The following UGT1A9 variants were observed in gnomAD, a reference collection of about 807,000 sequenced individuals.
UGT1A9 encodes the protein UDP glucuronosyltransferase family 1 member A9.
In UGT1A9, 35 loss-of-function variants were observed where a neutral mutation model predicts 45.0. The ratio of observed to expected loss-of-function variants is 0.78; its 90% CI spans 0.59 to 1.03. The LOEUF (loss-of-function observed/expected upper bound fraction) is 1.03, where lower values mean the gene tolerates loss of function less well. Ranked by LOEUF, UGT1A9 falls within the 50% of genes least tolerant of loss-of-function variation. UGT1A9 has a pLI of 0.00. For synonymous variants in UGT1A9, 278 were observed against 250.6 expected (o/e 1.11, Z -1.03); for missense variants, 687 against 666.6 (o/e 1.03, Z -0.34).
intron 1 of UGT1A9, among the ~76,000 whole-genome samples, chr2:233,674,389 CATA>C (rs1452275212): frequency 6.6e-6 from 1 of 152,126 alleles, no homozygotes; most frequent in Admixed American, 6.6e-5. Flanking sequence ...CTTTACCCTC[CATA>C]AATTATAGTA....
Position 233,772,327 on chromosome 2 carries a change from T to A in UGT1A9, c.1361T>A (p.Leu454Gln), listed in dbSNP as rs527798161. The A allele has an allele frequency of 6.2e-7, 1 of 1,614,262 alleles. No homozygotes were observed. The highest frequency in any genetic ancestry group is 1.3e-5 in the African/African-American group (1 of 75,072). The change falls in exon 5 of 5, where the codon CTG becomes CAG. Residue 454 changes from leucine to glutamine, a missense_variant. Leu to Gln is a moderately radical substitution (Grantham distance 113, BLOSUM62 -2). Transcript: ENST00000354728. ...HKDRPVEPLD[L>Q]AVFWVEFVMR... ...GACCGCCCGGTGGAGCCGCTGGACC[T>A]GGCCGTGTTCTGGGTGGAGTTTGTG...
chr2:233,702,191 C>T (rs1424495511), intron 1 of UGT1A9, among the ~76,000 whole-genome samples: 1 of 152,184 alleles, frequency 6.6e-6, no homozygotes. Flanking sequence ...TCCTCCAGCC[C>T]CTGGCAGCCA....
At chr2:233,717,518 T>A (rs2076583469) in intron 1 of UGT1A9, among the ~76,000 whole-genome samples, 1 of 152,220 alleles carries the variant, frequency 6.6e-6, no homozygotes, top group Non-Finnish European at 1.5e-5. Context: ...TGGGAGTAAC[T>A]TCCTCCATAA....
chr2:233,683,078 C>T (rs1475851543), intron 1 of UGT1A9, among the ~76,000 whole-genome samples: 1 of 152,052 alleles, frequency 6.6e-6, no homozygotes, highest in East Asian at 1.9e-4. Flanking sequence ...AGAAATGAAA[C>T]TTCCCTTTTT....
chr2:233,770,939 G>A (rs923528747), intron 4 of UGT1A9: 1 of 152,144 alleles, frequency 6.6e-6, no homozygotes, highest in African/African-American at 2.4e-5. Context: ...TTGGCTGCCG[G>A]GGGAACCTCA....
At chr2:233,736,628 T>C (rs1418847955) in intron 1 of UGT1A9, among the ~76,000 whole-genome samples, 1 of 152,228 alleles carries the variant, frequency 6.6e-6, no homozygotes, top group Admixed American at 6.5e-5. Context: ...GCTTTTCTGC[T>C]CTAGTTTCCC....
rs753813548 is a variant in UGT1A9 at position 233,693,325 on chromosome 2, T to C, written c.855+20536T>C. ...TTGCTGAGCGATCATTCCTAACTGC[T>C]CCTCAGACAGAGTACAGGAATAACA... On this transcript the variant is annotated intron_variant, in intron 1 of 4. Coordinates refer to ENST00000354728, the MANE Select transcript of UGT1A9 (RefSeq NM_021027.3). The C allele has an allele frequency of 6.8e-6, 11 of 1,614,210 alleles. No individual in the cohort carries two copies. In the East Asian group the frequency reaches 2.2e-4, roughly 33 times the overall value.
In UGT1A9 at chr2:233,741,861, A is replaced by T. The variant is rs1406457842; in HGVS notation, c.856-25173A>T. On this transcript the variant is annotated intron_variant, in intron 1 of 4. Transcript: ENST00000354728. ...GCCTTTTGCTCTCATGCCTTATGCA[A>T]ACCTTTCCTCAGAGGTGACCCTAGA... The T allele has an allele frequency of 2.6e-5, 4 of 151,886 alleles. No individual in the cohort carries two copies. The East Asian group carries it at 7.7e-4, about 29-fold the overall frequency. The allele number at this position is 151,886 out of a possible 1,614,324, so 9.4% of individuals were successfully genotyped here.
intron 1 of UGT1A9, among the ~76,000 whole-genome samples, chr2:233,700,421 A>G (rs1338095372): frequency 6.6e-6 from 1 of 152,210 alleles, no homozygotes; most frequent in East Asian, 1.9e-4. Flanking sequence ...CTGTTAATAG[A>G]TAATTATCTA....
Position 233,754,866 on chromosome 2 carries a change from C to G in UGT1A9, c.856-12168C>G, listed in dbSNP as rs1321579990. 5 of 1,351,528 alleles carry G rather than the reference C, an allele frequency of 3.7e-6. No homozygotes were observed. In the South Asian group the frequency reaches 5.7e-5, roughly 15 times the overall value. 83.7% of individuals were successfully genotyped at this position (1,351,528 alleles called of 1,614,324 possible). On this transcript the variant is annotated intron_variant, in intron 1 of 4. Transcript: ENST00000354728. ...GGCAGAGAAAAGGGGTGCAGACCCT[C>G]TGCTTCTGCTTCCCAGGGAGTTCCT...
At chr2:233,718,708 A>G (rs1400639249) in intron 1 of UGT1A9, 2 of 1,605,214 alleles carry the variant, frequency 1.2e-6, no homozygotes, top group Non-Finnish European at 1.7e-6. Context: ...TTTGTCTTCC[A>G]ATTACATGCT....
At chr2:233,763,733 T>C (rs528064995) in intron 1 of UGT1A9, among the ~76,000 whole-genome samples, 4 of 152,330 alleles carry the variant, frequency 2.6e-5, no homozygotes, top group South Asian at 4.1e-4. Flanking sequence ...CAACCTGGCA[T>C]TGGCGTGTCT....
chr2:233,747,386 G>C, intron 1 of UGT1A9: 1 of 1,605,212 alleles, frequency 6.2e-7, no homozygotes, highest in Middle Eastern at 1.7e-4. Context: ...GCCACCAGGC[G>C]GTGGTCCTCA....
intron 4 of UGT1A9, chr2:233,771,063 C>A (rs913473960): frequency 6.6e-6 from 1 of 152,106 alleles, no homozygotes; most frequent in Non-Finnish European, 1.5e-5. Context: ...ATGACCGGCT[C>A]TCACAATAAC....
chr2:233,739,714 GGACTT>G (rs1004679723), intron 1 of UGT1A9, among the ~76,000 whole-genome samples: 28 of 152,292 alleles, frequency 1.8e-4, no homozygotes, highest in African/African-American at 6.3e-4. Context: ...ATGGGGGAAG[GGACTT>G]GACTTGTCTC....
At chr2:233,698,282 G>T (rs866181850) in intron 1 of UGT1A9, among the ~76,000 whole-genome samples, 47 of 151,926 alleles carry the variant, frequency 3.1e-4, no homozygotes, top group African/African-American at 1.1e-3. Flanking sequence ...TCAACACTAT[G>T]AAAAAAAATG....
At chr2:233,763,944 G>T (rs1331783792) in intron 1 of UGT1A9, among the ~76,000 whole-genome samples, 1 of 152,182 alleles carries the variant, frequency 6.6e-6, no homozygotes, top group South Asian at 2.1e-4. Flanking sequence ...AGGAAAGCTT[G>T]GGAGCAGGGA....
At chr2:233,719,688 G>A in intron 1 of UGT1A9, 1 of 1,614,002 alleles carries the variant, frequency 6.2e-7, no homozygotes, top group Non-Finnish European at 8.5e-7. Context: ...ACTATCTCAG[G>A]TCTGTATTGG....
chr2:233,708,992 T>C (rs1297218412), intron 1 of UGT1A9, among the ~76,000 whole-genome samples: 1 of 152,200 alleles, frequency 6.6e-6, no homozygotes, highest in African/African-American at 2.4e-5. Context: ...GGCCGTGGCA[T>C]CCTTCTCAGT....
Sources: gnomAD v4.1 joint callset for allele counts (sites outside exome capture counted in the v4.1 genomes callset) on GRCh38, gnomAD v4.1.1 for gene constraint, MANE v1.5 for transcripts, NCBI Gene and HGNC (gene_info 2026-07-23, HGNC 2026-07-21) for gene names.